The following MS4A4A variants were observed in gnomAD, a reference collection of about 807,000 sequenced individuals.
MS4A4A encodes membrane spanning 4-domains A4A.
A neutral mutation model predicts 28.0 loss-of-function variants in MS4A4A; 26 were observed. The ratio of observed to expected loss-of-function variants is 0.93; its 90% CI spans 0.68 to 1.29. The LOEUF (loss-of-function observed/expected upper bound fraction) is 1.29. Ranked by LOEUF, MS4A4A falls within the 50% of genes most tolerant of loss-of-function variation. The pLI is 0.00. For missense variants in MS4A4A, 290 were observed against 293.1 expected (o/e 0.99, Z 0.08); for synonymous variants, 86 against 100.8 (o/e 0.85, Z 0.88).
intron 1 of MS4A4A, among the ~76,000 whole-genome samples, chr11:60,289,791 CA>C (rs2084837900): frequency 6.6e-6 from 1 of 152,054 alleles, no homozygotes; most frequent in African/African-American, 2.4e-5. Flanking sequence ...GTGATTTCTT[CA>C]AATTTTTCTT....
intron 6 of MS4A4A, 131 bp from the exon 7 acceptor site, chr11:60,307,976 C>T: frequency 1.2e-6 from 1 of 817,494 alleles, no homozygotes; most frequent in South Asian, 1.6e-5. Context: ...AGAAACCCCA[C>T]ATACTTGATC....
At chr11:60,305,406 G>C (rs1435268656) in intron 5 of MS4A4A, among the ~76,000 whole-genome samples, 2 of 152,196 alleles carry the variant, frequency 1.3e-5, no homozygotes, top group African/African-American at 4.8e-5. Context: ...TGAAGGCTTA[G>C]GCAACAAAAA....
intron 5 of MS4A4A, 59 bp from the exon 6 acceptor site, chr11:60,306,041 A>T: frequency 7.1e-7 from 1 of 1,403,804 alleles, no homozygotes. Context: ...GGTTACTGGG[A>T]AATGTTTTCA....
At chr11:60,291,056 T>C (rs2084851568) in intron 1 of MS4A4A, among the ~76,000 whole-genome samples, 1 of 152,224 alleles carries the variant, frequency 6.6e-6, no homozygotes, top group Non-Finnish European at 1.5e-5. Context: ...TTTATGGAAG[T>C]TGATCATGAA....
At chr11:60,298,226 T>TCTCC (rs1213400768) in intron 3 of MS4A4A, among the ~76,000 whole-genome samples, 1 of 152,152 alleles carries the variant, frequency 6.6e-6, no homozygotes, top group Non-Finnish European at 1.5e-5. Flanking sequence ...AAGTTGGGTT[T>TCTCC]ATGTTAGAAT....
chr11:60,302,877 A>G (rs1193064682), intron 5 of MS4A4A, among the ~76,000 whole-genome samples, 160 bp downstream of exon 5: 3 of 152,168 alleles, frequency 2.0e-5, no homozygotes, highest in East Asian at 3.8e-4. Flanking sequence ...AGTTAGGTAC[A>G]TGTCTCATCT....
chr11:60,298,905 A>C (rs905673455), intron 3 of MS4A4A, among the ~76,000 whole-genome samples: 1 of 152,160 alleles, frequency 6.6e-6, no homozygotes, highest in Non-Finnish European at 1.5e-5. Context: ...CTCTTCTATG[A>C]AGTGCCTCCT....
intron 1 of MS4A4A, 60 bp from the exon 2 acceptor site, chr11:60,292,165 G>C: frequency 6.8e-7 from 1 of 1,471,746 alleles, no homozygotes; most frequent in Non-Finnish European, 9.0e-7. Flanking sequence ...CTGCCCCAAA[G>C]TGTCATGTCC....
rs535532870 is a variant in MS4A4A at position 60,292,443 on chromosome 11, T to C, written c.201+59T>C. 132 of 1,481,016 alleles carry C rather than the reference T, an allele frequency of 8.9e-5. No individual in the cohort carries two copies. The African/African-American group carries it at 1.2e-3, about 14-fold the overall frequency. 91.7% of individuals were successfully genotyped at this position (1,481,016 alleles called of 1,614,324 possible). ...TTGCAAACTCATATTTCATAAGACC[T>C]AATGCCAAATACACTGTCCCACTAG... On this transcript the variant is annotated intron_variant, in intron 2 of 6. Coordinates refer to ENST00000337908, the MANE Select transcript of MS4A4A (RefSeq NM_148975.3).
rs555131371 is a variant in MS4A4A, at chr11:60,297,537, G to T, written c.330+212G>T. ...GCAGATTAAATATTTATATATGTCAGTTAGATATATTACAGCAGCACATTG... is the reference window on the plus strand; with the variant it reads ...GCAGATTAAATATTTATATATGTCATTTAGATATATTACAGCAGCACATTG... On this transcript the variant is annotated intron_variant, in intron 3 of 6. Coordinates refer to ENST00000337908, the MANE Select transcript of MS4A4A (RefSeq NM_148975.3). 2.6e-5 allele frequency among the ~76,000 whole-genome samples: 4 copies of T among 152,176 alleles called. No homozygotes were observed. The East Asian group carries it at 7.7e-4, about 29-fold the overall frequency.
intron 4 of MS4A4A, 42 bp from the exon 5 acceptor site, chr11:60,302,517 G>A (rs1195819300): frequency 5.0e-6 from 8 of 1,595,472 alleles, no homozygotes; most frequent in Non-Finnish European, 6.9e-6. Context: ...ATATATCTGA[G>A]GATGTTGTTG....
rs773148249 is a variant in MS4A4A, at chr11:60,280,685, A to G, written c.10A>G (p.Thr4Ala). 1 of 1,613,638 alleles carries G rather than the reference A, an allele frequency of 6.2e-7. No homozygotes were observed. Among genetic ancestry groups the G allele is most frequent in the Non-Finnish European group, 8.5e-7 (1 of 1,179,722 alleles). The change falls in exon 1 of 7, where the codon ACC becomes GCC. Residue 4 changes from threonine (T) to alanine (A), a missense_variant. Coordinates refer to ENST00000337908, the MANE Select transcript of MS4A4A (RefSeq NM_148975.3). ...TTGCCCAGAGCCCTGCATGCATCAG[A>G]CCTACAGCAGACATTGCAGGCCTGA... is the stretch of plus-strand genomic sequence containing the variant. MHQTYSRHCRPEES... is the reference protein window; with the variant it reads MHQAYSRHCRPEES...
chr11:60,305,346 T>C (rs2084989253), intron 5 of MS4A4A, among the ~76,000 whole-genome samples: 1 of 152,244 alleles, frequency 6.6e-6, no homozygotes, highest in South Asian at 2.1e-4. Context: ...AAGTTCCAAG[T>C]GGGTCTCACT....
chr11:60,303,180 C>G (rs1177802551), intron 5 of MS4A4A, among the ~76,000 whole-genome samples: 1 of 152,152 alleles, frequency 6.6e-6, no homozygotes, highest in Non-Finnish European at 1.5e-5. Context: ...CCACTTTTAT[C>G]CTCAACATCT....
At chr11:60,284,875 G>T (rs371702801) in intron 1 of MS4A4A, among the ~76,000 whole-genome samples, 1 of 152,130 alleles carries the variant, frequency 6.6e-6, no homozygotes, top group African/African-American at 2.4e-5. Flanking sequence ...AAACATCAGA[G>T]AACTGTCCCC....
At chr11:60,301,555 G>A (rs781754094) in intron 4 of MS4A4A, among the ~76,000 whole-genome samples, 7 of 152,266 alleles carry the variant, frequency 4.6e-5, no homozygotes, top group South Asian at 2.1e-4. Context: ...AATACAATGC[G>A]AAAGTCCATA....
chr11:60,290,229 C>T, intron 1 of MS4A4A: 1 of 289,048 alleles, frequency 3.5e-6, no homozygotes, highest in Non-Finnish European at 7.4e-6. Context: ...ATTTAATTCC[C>T]AGGATTATAA....
intron 2 of MS4A4A, among the ~76,000 whole-genome samples, chr11:60,292,871 G>A (rs1337520100): frequency 6.6e-6 from 1 of 152,114 alleles, no homozygotes; most frequent in Non-Finnish European, 1.5e-5. Context: ...TGACAGAATA[G>A]GGCAGGTGAA....
chr11:60,286,197 C>T (rs764260382), intron 1 of MS4A4A, among the ~76,000 whole-genome samples: 3 of 152,292 alleles, frequency 2.0e-5, no homozygotes, highest in East Asian at 1.9e-4. Context: ...TCCTGAACAT[C>T]GCTGTTATCC....
Sources: allele counts gnomAD v4.1 joint callset (sites outside exome capture counted in the v4.1 genomes callset), GRCh38; gene constraint gnomAD v4.1.1; transcripts MANE v1.5; gene names NCBI Gene and HGNC (gene_info 2026-07-23, HGNC 2026-07-21).